The following ZAN variants were observed in gnomAD, a reference collection of about 807,000 sequenced individuals.
ZAN encodes the protein zonadhesin.
Under a neutral mutation model 286.2 loss-of-function variants are expected in ZAN, and 260 were observed. The ratio of observed to expected loss-of-function variants is 0.91; its 90% CI spans 0.82 to 1.01. ZAN has a LOEUF of 1.01. Among genes scored for constraint, ZAN ranks in the 50% least tolerant of loss-of-function variants. The probability of loss-of-function intolerance (pLI) is 0.00; values close to 1 mark genes in which losing one functional copy is unlikely to be tolerated. For synonymous variants in ZAN, 1,368 were observed against 1,417.5 expected (o/e 0.97, Z 0.79); for missense variants, 3,410 against 3,639.2 (o/e 0.94, Z 1.62).
rs1294922408 is a variant in ZAN, at chr7:100,766,551, C to A, written c.4497C>A (p.Gly1499=). 2 of 1,551,634 alleles carry A rather than the reference C, an allele frequency of 1.3e-6. No individual in the cohort carries two copies. Among genetic ancestry groups the A allele is most frequent in the African/African-American group, 1.4e-5 (1 of 73,058 alleles). ...FKVGERWYKP[G]CKELCVCESN... is the part of the protein sequence containing the mutation. ...TAGGGGAGCGGTGGTACAAGCCAGG[C>A]TGCAAAGAGTTGTGCGTCTGTGAAA... The change falls in exon 24 of 48, where the codon GGC becomes GGA. Residue 1499 remains glycine (G), a synonymous_variant. Coordinates refer to ENST00000613979, the MANE Select transcript of ZAN (RefSeq NM_003386.3).
Position 100,734,179 on chromosome 7 carries a change from C to A in ZAN, c.11C>A (p.Pro4Gln). Residue 4 changes from proline (P) to glutamine (Q), a missense_variant, in exon 2 of 48, where the codon CCA becomes CAA. Pro to Gln is a moderately conservative substitution (Grantham distance 76, BLOSUM62 -1). This residue lies in a region of ZAN where 872 missense variants were observed against 938.9 expected (regional missense o/e 0.93). Transcript: ENST00000613979. ...CCACTTAGGGTCCTCATGGTTCCTC[C>A]AGTCTGGACTCTGCTGCTTCTGGTG... is the stretch of plus-strand genomic sequence containing the variant. MVP[P>Q]VWTLLLLVGA... is the part of the protein sequence containing the mutation. 1 of 1,458,966 alleles carries A rather than the reference C, an allele frequency of 6.9e-7. No homozygotes were observed. The allele number at this position is 1,458,966 out of a possible 1,614,324, so 90.4% of individuals were successfully genotyped here. A position where few individuals can be genotyped will look rare whatever the true frequency, so the allele number is the denominator to read the frequency against.
chr7:100,775,637 C>T (rs1810716894), intron 32 of ZAN, 32 bp from the exon 33 acceptor site: 1 of 1,612,360 alleles, frequency 6.2e-7, no homozygotes, highest in East Asian at 2.2e-5. Context: ...CTTGTCCCTG[C>T]TCCTACTCAC....
At position 100,751,747 on chromosome 7, in the gene ZAN, G is replaced by A. The variant is rs1448792164; in HGVS notation, c.1642G>A (p.Val548Ile). 5.7e-5 allele frequency: 91 copies of A among 1,593,844 alleles called. No individual in the cohort carries two copies. Among genetic ancestry groups the A allele is most frequent in the Non-Finnish European group, 7.6e-5 (89 of 1,174,892 alleles). The change falls in exon 14 of 48, where the codon GTT becomes ATT. Residue 548 changes from valine to isoleucine, a missense_variant. Transcript: ENST00000613979. ...VLPELPPVSP[V>I]SSTGPSETTG... ...ACCAGAGCTTCCTCCCGTATCTCCA[G>A]TTTCTTCCACTGGCCCTTCTGAAAC... is the stretch of plus-strand genomic sequence containing the variant.
At chr7:100,760,046 T>A (rs971148066) in intron 18 of ZAN, among the ~76,000 whole-genome samples, 2 of 152,052 alleles carry the variant, frequency 1.3e-5, no homozygotes, top group African/African-American at 4.8e-5. Flanking sequence ...AGACCCTGTC[T>A]CTTAAAAAAT....
chr7:100,753,351 T>A, intron 14 of ZAN, 122 bp downstream of exon 14: 1 of 1,156,568 alleles, frequency 8.6e-7, no homozygotes, highest in Non-Finnish European at 1.2e-6. Flanking sequence ...TCTAGTACTC[T>A]CAGAGGAGAG....
rs1810042125 is a variant in ZAN at position 100,767,172 on chromosome 7, G to T, written c.4775G>T (p.Gly1592Val). Residue 1592 changes from glycine (G) to valine (V), a missense_variant, in exon 25 of 48, where the codon GGG (glycine) becomes GTG (valine). Coordinates refer to ENST00000613979, the MANE Select transcript of ZAN (RefSeq NM_003386.3). ...VVSATNENRG[G>V]ILEVSYIKAV... is the part of the protein sequence containing the mutation. ...AGCGCCACCAACGAGAACCGCGGGG[G>T]GATCCTGGAGGTCTCCTACATCAAA... 6.2e-7 allele frequency: 1 copy of T among 1,613,622 alleles called. No individual in the cohort carries two copies. The highest frequency in any genetic ancestry group is 1.3e-5 in the African/African-American group (1 of 74,882).
In ZAN at chr7:100,737,055, C is replaced by T. The variant is rs1278151673; in HGVS notation, c.500C>T (p.Pro167Leu). The T allele has an allele frequency of 2.0e-6, 3 of 1,497,958 alleles. 1 individual carries two copies. The South Asian group carries it at 3.5e-5, about 17-fold the overall frequency. The allele number at this position is 1,497,958 out of a possible 1,614,324, so 92.8% of individuals were successfully genotyped here. A position where few individuals can be genotyped will look rare whatever the true frequency, so the allele number is the denominator to read the frequency against. The change falls in exon 5 of 48, where the codon CCC becomes CTC. Residue 167 changes from proline to leucine, a missense_variant. Coordinates refer to ENST00000613979, the MANE Select transcript of ZAN (RefSeq NM_003386.3). ...PSWMLTTVTVPAGFTLPTRLM... is the reference protein window; with the variant it reads ...PSWMLTTVTVLAGFTLPTRLM... ...TGGATGCTCACCACCGTCACTGTGCCCGCAGGGTTCACCCTGCCCACCCGG... is the reference window on the plus strand; with the variant it reads ...TGGATGCTCACCACCGTCACTGTGCTCGCAGGGTTCACCCTGCCCACCCGG...
In ZAN at chr7:100,753,018, C is replaced by A. The variant is rs772624007; in HGVS notation, c.2913C>A (p.Ile971=). 3.7e-6 allele frequency: 6 copies of A among 1,609,240 alleles called. No homozygotes were observed. The Admixed American group carries it at 1.0e-4, about 27-fold the overall frequency. ...CCATCTCCACGGAAAAACCCACCAT[C>A]CCCACGGAAAAACTTACCATCCCCA... The part of the protein sequence containing the change: ...KPTISTEKPT[I]PTEKLTIPTE... The change falls in exon 14 of 48, where the codon ATC becomes ATA. Residue 971 remains isoleucine (I), a synonymous_variant. Coordinates refer to ENST00000613979, the MANE Select transcript of ZAN (RefSeq NM_003386.3).
Position 100,737,120 on chromosome 7 carries a change from C to A in ZAN, c.525+40C>A. 1.4e-6 allele frequency: 2 copies of A among 1,471,462 alleles called. 1 individual carries two copies. Among genetic ancestry groups the A allele is most frequent in the Non-Finnish European group, 1.9e-6 (2 of 1,081,022 alleles). 91.2% of individuals were successfully genotyped at this position (1,471,462 alleles called of 1,614,324 possible). On this transcript the variant is annotated intron_variant, in intron 5 of 47. Coordinates refer to ENST00000613979, the MANE Select transcript of ZAN (RefSeq NM_003386.3). ...AAATTGTGGGACCTCGGGGGGGAGT[C>A]TGGGTGTTGGAGAGCCTGAGGGTGG...
chr7:100,751,726 G>A lies in ZAN; in HGVS notation c.1621G>A (p.Glu541Lys). 1 of 1,582,416 alleles carries A rather than the reference G, an allele frequency of 6.3e-7. No homozygotes were observed. Among genetic ancestry groups the A allele is most frequent in the Non-Finnish European group, 8.5e-7 (1 of 1,170,386 alleles). ...TTTCTTTGCAGTAAAAGTGCTACCA[G>A]AGCTTCCTCCCGTATCTCCAGTTTC... Reference protein sequence around the residue: ...PGTCPVKVLPELPPVSPVSST... With the variant: ...PGTCPVKVLPKLPPVSPVSST... The change falls in exon 14 of 48, where the codon GAG (glutamate) becomes AAG (lysine). Residue 541 changes from glutamate to lysine, a missense_variant. Physicochemically the swap from Glu to Lys is moderately conservative, Grantham distance 56. Around this residue, in one of 7 missense-constraint regions of ZAN, gnomAD observed 872 missense variants for 938.9 expected, o/e 0.93. Transcript: ENST00000613979.
rs142112811 is a variant in ZAN at position 100,758,456 on chromosome 7, G to A, written c.3452-75G>A. On this transcript the variant is annotated intron_variant, in intron 16 of 47. Coordinates refer to ENST00000613979, the MANE Select transcript of ZAN (RefSeq NM_003386.3). ...GATTGGGGGCCTGCCACCGGGCAGC[G>A]GGTGGGCCAGCATGTGCGGTCCAGC... 1,365 of 1,556,800 alleles carry A rather than the reference G, an allele frequency of 8.8e-4. 18 individuals carry two copies. The African/African-American group carries it at 0.016, about 19-fold the overall frequency.
chr7:100,795,161 G>A, intron 44 of ZAN, 35 bp from the exon 45 acceptor site: 1 of 1,590,446 alleles, frequency 6.3e-7, no homozygotes, highest in Non-Finnish European at 8.6e-7. Context: ...TGTCCTCCCA[G>A]GGCCCCCCTC....
intron 35 of ZAN, among the ~76,000 whole-genome samples, chr7:100,782,680 TTTG>T (rs754476015): frequency 0.027 from 3,085 of 114,268 alleles, 36 homozygotes; most frequent in Middle Eastern, 0.042. Context: ...GTGGGTTTTT[TTTG>T]TGTGTGTGTG....
Position 100,748,382 on chromosome 7 carries a change from G to C in ZAN, c.1161G>C (p.Gln387His). Residue 387 changes from glutamine to histidine, a missense_variant, in exon 11 of 48, where the codon CAG (glutamine) becomes CAC (histidine). Physicochemically the swap from Gln to His is conservative, Grantham distance 24. Transcript: ENST00000613979. ...CCCATCCCTTCTGTGACTGGGTCCA[G>C]ACTTCCGGGGATGGTGGACACTGGG... ...DNAHPFCDWV[Q>H]TSGDGGHWAL... The C allele has an allele frequency of 6.2e-7, 1 of 1,614,022 alleles. No individual in the cohort carries two copies. The highest frequency in any genetic ancestry group is 8.5e-7 in the Non-Finnish European group (1 of 1,179,906).
In ZAN at chr7:100,771,921, A is replaced by T. The variant is rs76687973; in HGVS notation, c.5326A>T (p.Lys1776Ter). 1.4e-3 allele frequency: 2,305 copies of T among 1,613,008 alleles called. 6 individuals are homozygous for T. The highest frequency in any genetic ancestry group is 4.1e-3 in the Middle Eastern group (25 of 6,060). Residue 1776 changes from lysine (K) to a stop codon, truncating the protein, a stop_gained, in exon 29 of 48, where the codon AAG (lysine) becomes TAG (stop). Coordinates refer to ENST00000613979, the MANE Select transcript of ZAN (RefSeq NM_003386.3). LOFTEE classifies it high-confidence loss of function. ...TTGCGTGCATGGTCAGTGTGGGACC[A>T]AGGGCGACACCACAGCCCTGTGCCG... ...ASCVHGQCGTKGDTTALCRSL... is the reference protein window; with the variant it reads ...ASCVHGQCGT
chr7:100,778,482 T>A (rs2116203596), intron 34 of ZAN, among the ~76,000 whole-genome samples: 1 of 150,278 alleles, frequency 6.7e-6, no homozygotes, highest in African/African-American at 2.4e-5. Flanking sequence ...TAACCAGGTG[T>A]GGTTAGTCCC....
rs772646429 is a variant in ZAN at position 100,789,279 on chromosome 7, G to A, written c.7289G>A (p.Trp2430Ter). The change falls in exon 39 of 48, where the codon TGG becomes TAG. Residue 2430 changes from tryptophan to a stop codon, truncating the protein, a stop_gained. Coordinates refer to ENST00000613979, the MANE Select transcript of ZAN (RefSeq NM_003386.3). LOFTEE classifies it high-confidence loss of function. ...AATGAACACCTGCGGGTCACCCTGT[G>A]GGGCCAACGGCTCTACCTGGTCACC... Reference protein sequence around the residue: ...RPNEHLRVTLWGQRLYLVTDF... With the variant: ...RPNEHLRVTL 1.2e-5 allele frequency: 20 copies of A among 1,613,764 alleles called. No homozygotes were observed. Among genetic ancestry groups the A allele is most frequent in the South Asian group, 1.2e-4 (11 of 91,064 alleles).
rs1305465464 is a variant in ZAN, at chr7:100,775,308, CT to C, written c.5780-19del. On this transcript the variant is annotated intron_variant, in intron 31 of 47. Coordinates refer to ENST00000613979, the MANE Select transcript of ZAN (RefSeq NM_003386.3). ...CTGCCAGAGGAGCGTCATAGCCCAG[CT>C]GTCTCTCTGTCCTCCCAGGTGTGGG... 6.2e-7 allele frequency: 1 copy of C among 1,610,106 alleles called. No individual in the cohort carries two copies. Among genetic ancestry groups the C allele is most frequent in the African/African-American group, 1.3e-5 (1 of 74,848 alleles).
Position 100,797,797 on chromosome 7 carries a change from A to T in ZAN, c.*65A>T. ...ATAAATTTATATATTTATTTATTTG[A>T]GACAGGGTCTTGCTCTGTCGCCAGG... On this transcript the variant is annotated 3_prime_UTR_variant, in exon 48 of 48. Coordinates refer to ENST00000613979, the MANE Select transcript of ZAN (RefSeq NM_003386.3). 1 of 1,565,238 alleles carries T rather than the reference A, an allele frequency of 6.4e-7. No homozygotes were observed. The highest frequency in any genetic ancestry group is 8.7e-7 in the Non-Finnish European group (1 of 1,155,830).
Sources: allele counts gnomAD v4.1 joint callset (sites outside exome capture counted in the v4.1 genomes callset), GRCh38; gene constraint gnomAD v4.1.1; regional missense constraint gnomAD v4.1.1; transcripts MANE v1.5; gene names NCBI Gene and HGNC (gene_info 2026-07-23, HGNC 2026-07-21).